Variants in DNAH11 observed in about 807,000 individuals in gnomAD.
The protein encoded by DNAH11 is axonemal beta dynein heavy chain 11.
DNAH11 carries 442 observed loss-of-function variants against 526.0 expected under a neutral mutation model. That is an observed-to-expected ratio of 0.84 (90% CI 0.78 to 0.91). The LOEUF is 0.91. Among genes scored for constraint, DNAH11 ranks in the 40% least tolerant of loss-of-function variants. The pLI is 0.00. For synonymous variants in DNAH11, 2,461 were observed against 1,935.9 expected (o/e 1.27, Z -7.12); for missense variants, 6,989 against 5,448.7 (o/e 1.28, Z -8.90).
At chr7:21,823,165 C>G (rs1790127457) in intron 65 of DNAH11, among the ~76,000 whole-genome samples, 1 of 151,756 alleles carries the variant, frequency 6.6e-6, no homozygotes, top group Admixed American at 6.6e-5. Flanking sequence ...TGTTGCTGTT[C>G]TTTTTGAGGT....
At position 21,681,864 on chromosome 7, in the gene DNAH11, A is replaced by G. The variant is rs1386325366; in HGVS notation, c.5460+187A>G. ...CCAATATATTATTCTGATGAGACCTATTCCAAGTGATATCCCAAAAGGTTT... is the reference window on the plus strand; with the variant it reads ...CCAATATATTATTCTGATGAGACCTGTTCCAAGTGATATCCCAAAAGGTTT... On this transcript the variant is annotated intron_variant, in intron 31 of 81. Transcript: ENST00000409508. The G allele has an allele frequency of 4.5e-5, 34 of 750,960 alleles. No homozygotes were observed. The Admixed American group carries it at 7.2e-4, about 16-fold the overall frequency. The allele number at this position is 750,960 out of a possible 1,614,324, so 46.5% of individuals were successfully genotyped here. A position where few individuals can be genotyped will look rare whatever the true frequency, so the allele number is the denominator to read the frequency against.
At chr7:21,701,887 A>G (rs950216543) in intron 36 of DNAH11, among the ~76,000 whole-genome samples, 1 of 152,120 alleles carries the variant, frequency 6.6e-6, no homozygotes, top group Non-Finnish European at 1.5e-5. Flanking sequence ...GCTGAGAGAC[A>G]TTTGAGAGAT....
In DNAH11 at chr7:21,658,766, C is replaced by CTA. The variant is rs768290938; in HGVS notation, c.5095-31_5095-30insAT. On this transcript the variant is annotated intron_variant, in intron 29 of 81. Transcript: ENST00000409508. Reference sequence around the variant, plus strand: ...TGAAATTATCCTTCCATAGTTAAGCCTGTGTTATAACATTTCAACTTGCTT... The same window carrying CTA: ...TGAAATTATCCTTCCATAGTTAAGCCTATGTGTTATAACATTTCAACTTGCTT... 2.6e-3 allele frequency: 3,987 copies of CTA among 1,511,926 alleles called. 16 individuals are homozygous for CTA. The highest frequency in any genetic ancestry group is 7.4e-3 in the South Asian group (586 of 78,854). 93.7% of individuals were successfully genotyped at this position (1,511,926 alleles called of 1,614,324 possible). A position where few individuals can be genotyped will look rare whatever the true frequency, so the allele number is the denominator to read the frequency against.
intron 25 of DNAH11, among the ~76,000 whole-genome samples, chr7:21,630,812 C>G (rs62447793): frequency 1.3e-5 from 2 of 152,104 alleles, no homozygotes; most frequent in Non-Finnish European, 2.9e-5. Context: ...TTATTTGGGT[C>G]AGTTCTATTT....
intron 55 of DNAH11, among the ~76,000 whole-genome samples, chr7:21,766,678 T>C (rs573146610): frequency 1.3e-5 from 2 of 151,482 alleles, no homozygotes; most frequent in East Asian, 3.9e-4. Flanking sequence ...CAGCTAGCTT[T>C]ATTGTTCATA....
intron 26 of DNAH11, 99 bp from the exon 27 acceptor site, chr7:21,637,512 C>T (rs1311224304): frequency 1.2e-6 from 1 of 865,474 alleles, no homozygotes; most frequent in Admixed American, 2.1e-5. Context: ...GACCTTGCCT[C>T]TTCATTCTTT....
chr7:21,657,327 G>A (rs940767263), intron 29 of DNAH11, among the ~76,000 whole-genome samples: 3 of 152,234 alleles, frequency 2.0e-5, no homozygotes, highest in African/African-American at 7.2e-5. Context: ...GGAGCTCTTA[G>A]GCCCATTGAG....
chr7:21,617,182 T>C (rs1377950193), intron 22 of DNAH11, among the ~76,000 whole-genome samples: 1 of 152,232 alleles, frequency 6.6e-6, no homozygotes, highest in Non-Finnish European at 1.5e-5. Context: ...TGATGAAATA[T>C]TTAGGTTTCA....
In DNAH11 at chr7:21,655,789, A is replaced by G. The variant is rs1325837137; in HGVS notation, c.4945-43A>G. On this transcript the variant is annotated intron_variant, in intron 28 of 81. Coordinates refer to ENST00000409508, the MANE Select transcript of DNAH11 (RefSeq NM_001277115.2). ...ATCTCTAGATTATCAGAATATACCT[A>G]CAGTAAGAAATGTTCTTATCTTTTC... is the stretch of plus-strand genomic sequence containing the variant. 5.1e-6 allele frequency: 8 copies of G among 1,565,432 alleles called. No homozygotes were observed. In the Admixed American group the frequency reaches 7.1e-5, roughly 14 times the overall value.
chr7:21,830,434 G>T (rs1295661651), intron 65 of DNAH11, among the ~76,000 whole-genome samples: 1 of 152,158 alleles, frequency 6.6e-6, no homozygotes, highest in African/African-American at 2.4e-5. Context: ...AACTGTGTCT[G>T]TTGTTTTTCT....
chr7:21,729,642 A>T (rs1028994295), intron 45 of DNAH11, among the ~76,000 whole-genome samples: 1 of 152,192 alleles, frequency 6.6e-6, no homozygotes, highest in Non-Finnish European at 1.5e-5. Context: ...ACTAGAATGC[A>T]ATTCAGCCGT....
intron 54 of DNAH11, among the ~76,000 whole-genome samples, chr7:21,764,671 G>C (rs1583670458): frequency 2.0e-5 from 3 of 152,274 alleles, no homozygotes; most frequent in East Asian, 3.9e-4. Context: ...CTCTCACTGA[G>C]TTTCTGTGAC....
At chr7:21,891,572 A>G (rs1391345400) in intron 76 of DNAH11, among the ~76,000 whole-genome samples, 1 of 152,190 alleles carries the variant, frequency 6.6e-6, no homozygotes, top group Non-Finnish European at 1.5e-5. Context: ...TTGAAGTTCT[A>G]CATTCTAATG....
intron 57 of DNAH11, among the ~76,000 whole-genome samples, chr7:21,782,907 CAA>C (rs747285978): frequency 1.4e-4 from 9 of 64,482 alleles, no homozygotes; most frequent in Admixed American, 3.2e-4. Flanking sequence ...GAAACTGTCT[CAA>C]AAAAAAAAAA....
intron 68 of DNAH11, among the ~76,000 whole-genome samples, chr7:21,855,322 C>T (rs1341512692): frequency 2.0e-5 from 3 of 152,140 alleles, no homozygotes; most frequent in African/African-American, 7.2e-5. Flanking sequence ...TGAGCCACCG[C>T]ACCTGGCCAG....
chr7:21,871,756 TC>T (rs564773414), intron 73 of DNAH11, among the ~76,000 whole-genome samples: 59 of 152,202 alleles, frequency 3.9e-4, no homozygotes, highest in African/African-American at 1.3e-3. Context: ...TTCCGTGTCT[TC>T]ATGTGATTTG....
chr7:21,757,973 G>A (rs911284901), intron 54 of DNAH11, among the ~76,000 whole-genome samples: 1 of 152,196 alleles, frequency 6.6e-6, no homozygotes, highest in Non-Finnish European at 1.5e-5. Flanking sequence ...ACCTACCTCT[G>A]GCTGAGGAGC....
intron 35 of DNAH11, among the ~76,000 whole-genome samples, chr7:21,694,092 C>T (rs1447074806): frequency 6.6e-6 from 1 of 152,292 alleles, no homozygotes; most frequent in East Asian, 1.9e-4. Flanking sequence ...GGTCCCTCCC[C>T]CAACATTGAA....
At chr7:21,702,338 A>T (rs1001291315) in intron 36 of DNAH11, among the ~76,000 whole-genome samples, 1 of 152,010 alleles carries the variant, frequency 6.6e-6, no homozygotes, top group Admixed American at 6.6e-5. Context: ...CCTTGATGAA[A>T]CCAGCACAGG....
Sources: gnomAD v4.1 joint callset for allele counts (sites outside exome capture counted in the v4.1 genomes callset) on GRCh38, gnomAD v4.1.1 for gene constraint, MANE v1.5 for transcripts, NCBI Gene and HGNC (gene_info 2026-07-23, HGNC 2026-07-21) for gene names.